Variants in CLOCK observed in about 807,000 individuals in gnomAD.
The protein encoded by CLOCK is clock circadian regulator, also known as circadian locomoter output cycles protein kaput.
CLOCK carries 43 observed loss-of-function variants against 118.4 expected under a neutral mutation model. The observed-to-expected ratio is 0.36, with a 90% CI of 0.28 to 0.47. CLOCK has a LOEUF of 0.47. Among genes scored for constraint, CLOCK ranks in the 20% least tolerant of loss-of-function variants. CLOCK has a pLI of 1.00. For synonymous variants in CLOCK, 326 were observed against 339.2 expected, an observed-to-expected ratio of 0.96 and a Z score of 0.43; for missense variants, 846 against 999.9, an observed-to-expected ratio of 0.85 and a Z score of 2.08.
At chr4:55,535,906 T>C (rs1252911334) in intron 1 of CLOCK, among the ~76,000 whole-genome samples, 1 of 152,064 alleles carries the variant, frequency 6.6e-6, no homozygotes, top group African/African-American at 2.4e-5. Context: ...TATTTCCTAA[T>C]TATTGCTTGG....
intron 15 of CLOCK, among the ~76,000 whole-genome samples, chr4:55,451,140 C>G (rs1228465594): frequency 6.6e-6 from 1 of 152,112 alleles, no homozygotes. Flanking sequence ...TATTCACTGT[C>G]CCTAATTCCC....
At chr4:55,542,199 G>C (rs566130815) in intron 1 of CLOCK, among the ~76,000 whole-genome samples, 1 of 151,440 alleles carries the variant, frequency 6.6e-6, no homozygotes, top group Non-Finnish European at 1.5e-5. Context: ...AAAATTAGCC[G>C]GGTGTGGTGG....
At chr4:55,449,549 A>G (rs1724240848) in intron 16 of CLOCK, 53 bp from the exon 17 acceptor site, 1 of 1,422,148 alleles carries the variant, frequency 7.0e-7, no homozygotes, top group African/African-American at 1.4e-5. Context: ...TATAGTTTTT[A>G]AAGATTAATC....
intron 4 of CLOCK, among the ~76,000 whole-genome samples, chr4:55,480,638 C>G (rs1425857281): frequency 6.6e-6 from 1 of 152,120 alleles, no homozygotes; most frequent in Non-Finnish European, 1.5e-5. Flanking sequence ...CGCCTGTAAT[C>G]CCAGCATTTT....
rs181401800 is a variant in CLOCK at position 55,537,593 on chromosome 4, T to C, written c.-290+9189A>G. Reference sequence around the variant, plus strand: ...GTGATTGGGCCACTGCACTAAAGCCTAGGCAACGGAGTGAGACCCAGTCTC... The same window carrying C: ...GTGATTGGGCCACTGCACTAAAGCCCAGGCAACGGAGTGAGACCCAGTCTC... On this transcript the variant is annotated intron_variant, in intron 1 of 22. Coordinates refer to ENST00000513440, the MANE Select transcript of CLOCK (RefSeq NM_004898.4). Among the ~76,000 whole-genome samples, 522 of 151,814 alleles carry C rather than the reference T, an allele frequency of 3.4e-3. 2 individuals are homozygous for C. The highest frequency in any genetic ancestry group is 0.012 in the African/African-American group (477 of 41,344).
intron 13 of CLOCK, 145 bp downstream of exon 13, chr4:55,455,752 G>A (rs1158064491): frequency 1.5e-5 from 10 of 658,788 alleles, no homozygotes; most frequent in Non-Finnish European, 1.9e-5. Context: ...CTACTACATT[G>A]GTTATATACA....
intron 1 of CLOCK, among the ~76,000 whole-genome samples, chr4:55,530,211 AAAGAT>A (rs528197730): frequency 1.5e-3 from 233 of 152,336 alleles, no homozygotes; most frequent in African/African-American, 5.4e-3. Flanking sequence ...TACGAAGGAC[AAAGAT>A]AAGATACTAA....
chr4:55,502,301 T>C (rs970610272), intron 2 of CLOCK, among the ~76,000 whole-genome samples: 2 of 152,182 alleles, frequency 1.3e-5, no homozygotes, highest in Non-Finnish European at 2.9e-5. Flanking sequence ...TTAGAGGATT[T>C]AAACTATCAG....
intron 18 of CLOCK, among the ~76,000 whole-genome samples, chr4:55,447,035 AGTTTTTTTTTTT>A (rs1723914571): frequency 6.6e-6 from 1 of 151,786 alleles, no homozygotes; most frequent in Admixed American, 6.6e-5. Flanking sequence ...AACTCCCTCA[AGTTTTTTTTTTT>A]GTTTTTTTTT....
chr4:55,535,727 T>C (rs1577873789), intron 1 of CLOCK, among the ~76,000 whole-genome samples: 2 of 148,770 alleles, frequency 1.3e-5, no homozygotes, highest in South Asian at 2.1e-4. Flanking sequence ...AAAATTCCAG[T>C]GATGGGAGAA....
intron 6 of CLOCK, among the ~76,000 whole-genome samples, chr4:55,477,826 T>C (rs1323298228): frequency 3.3e-5 from 5 of 151,776 alleles, no homozygotes; most frequent in Admixed American, 6.6e-5. Context: ...GGAAAGAAGT[T>C]AGTTTCAGTT....
chr4:55,540,849 T>A (rs542703425), intron 1 of CLOCK: 73 of 152,270 alleles, frequency 4.8e-4, no homozygotes, highest in African/African-American at 1.7e-3. Context: ...TTTCCACTAT[T>A]TGGGATGAGA....
intron 2 of CLOCK, among the ~76,000 whole-genome samples, chr4:55,504,140 G>C (rs1728632644): frequency 6.6e-6 from 1 of 151,302 alleles, no homozygotes; most frequent in Non-Finnish European, 1.5e-5. Flanking sequence ...AAAAAAATTA[G>C]CTGGGTGTGG....
intron 2 of CLOCK, among the ~76,000 whole-genome samples, chr4:55,501,948 A>G (rs1368770881): frequency 6.6e-6 from 1 of 152,186 alleles, no homozygotes; most frequent in Admixed American, 6.5e-5. Context: ...ATTTGTATAA[A>G]CTACAAGGGC....
intron 2 of CLOCK, among the ~76,000 whole-genome samples, chr4:55,499,177 G>C (rs775855183): frequency 1.8e-3 from 2 of 1,108 alleles, no homozygotes; most frequent in African/African-American, 0.038. Flanking sequence ...GTTGTCAACT[G>C]GCTTATGTTC....
intron 1 of CLOCK, among the ~76,000 whole-genome samples, chr4:55,515,118 G>A (rs4865004): frequency 0.34 from 51,497 of 151,912 alleles, 9,430 homozygotes; most frequent in East Asian, 0.58. Context: ...GGCAGATTGC[G>A]TCCTTCAAGG....
intron 11 of CLOCK, 74 bp downstream of exon 11, chr4:55,458,818 G>T: frequency 1.0e-6 from 1 of 994,454 alleles, no homozygotes; most frequent in East Asian, 2.4e-5. Context: ...CCACCTCAAT[G>T]TCTGCAGGAA....
intron 3 of CLOCK, among the ~76,000 whole-genome samples, chr4:55,486,180 C>A (rs1727284844): frequency 6.6e-6 from 1 of 152,154 alleles, no homozygotes; most frequent in South Asian, 2.1e-4. Flanking sequence ...ACTATAATTA[C>A]TTTTCCTTTT....
chr4:55,490,381 T>C (rs562444419), intron 2 of CLOCK, among the ~76,000 whole-genome samples: 6 of 151,960 alleles, frequency 3.9e-5, no homozygotes, highest in African/African-American at 1.2e-4. Context: ...CAAACATCAA[T>C]AGAACTGAAG....
Sources: gnomAD v4.1 joint callset for allele counts (sites outside exome capture counted in the v4.1 genomes callset) on GRCh38, gnomAD v4.1.1 for gene constraint, MANE v1.5 for transcripts, NCBI Gene and HGNC (gene_info 2026-07-23, HGNC 2026-07-21) for gene names.